The following NFATC1 variants were observed in gnomAD, a reference collection of about 807,000 sequenced individuals.
NFATC1 encodes the protein nuclear factor of activated T cells 1.
A neutral mutation model predicts 76.0 loss-of-function variants in NFATC1; 22 were observed. The ratio of observed to expected loss-of-function variants is 0.29; its 90% CI spans 0.21 to 0.41. NFATC1 has a LOEUF of 0.41. Among genes scored for constraint, NFATC1 ranks in the 10% least tolerant of loss-of-function variants. The pLI is 1.00. For missense variants in NFATC1, 1,357 were observed against 1,337.7 expected (o/e 1.01, Z -0.23); for synonymous variants, 704 against 613.1 (o/e 1.15, Z -2.19).
Position 79,410,530 on chromosome 18 carries a change from C to A in NFATC1, c.255C>A (p.His85Gln), listed in dbSNP as rs563565483. The change falls in exon 2 of 10, where the codon CAC becomes CAA. Residue 85 changes from histidine to glutamine, a missense_variant. Transcript: ENST00000427363. The surrounding 1 kb of genome is among the most constrained non-coding windows in gnomAD (Gnocchi z 6.7). The part of the protein sequence containing the change: ...STPGIIPPAD[H>Q]PSGYGAALDG... ...CGGGCATCATCCCGCCGGCGGATCA[C>A]CCCTCGGGGTACGGAGCAGCTTTGG... The A allele has an allele frequency of 3.1e-6, 5 of 1,611,832 alleles. No individual in the cohort carries two copies. The South Asian group carries it at 4.4e-5, about 14-fold the overall frequency.
At chr18:79,506,318 C>T (rs1296135265) in intron 9 of NFATC1, among the ~76,000 whole-genome samples, 3 of 152,166 alleles carry the variant, frequency 2.0e-5, no homozygotes, top group African/African-American at 7.2e-5. Context: ...GACAGATGCT[C>T]CTGAGCTTCC....
At chr18:79,418,630 C>G (rs529151197) in intron 2 of NFATC1, among the ~76,000 whole-genome samples, 1 of 152,224 alleles carries the variant, frequency 6.6e-6, no homozygotes, top group African/African-American at 2.4e-5. Context: ...TGCCAGCCTC[C>G]GCTGGTGAGG....
chr18:79,474,133 T>C (rs1166832308), intron 8 of NFATC1, among the ~76,000 whole-genome samples: 16 of 137,836 alleles, frequency 1.2e-4, no homozygotes, highest in South Asian at 2.3e-4. Flanking sequence ...TCACGCTCGC[T>C]GTCGACGTTG....
At chr18:79,463,031 G>A (rs1273262057) in intron 7 of NFATC1, among the ~76,000 whole-genome samples, 2 of 152,240 alleles carry the variant, frequency 1.3e-5, no homozygotes, top group African/African-American at 4.8e-5. Flanking sequence ...CCAAGAGGTG[G>A]CTCTGTCAGA....
intron 9 of NFATC1, among the ~76,000 whole-genome samples, chr18:79,514,941 G>A (rs1360063046): frequency 6.6e-6 from 1 of 152,116 alleles, no homozygotes; most frequent in Non-Finnish European, 1.5e-5. Context: ...CTACTTGAGA[G>A]TCTGAGGAGG....
At position 79,457,673 on chromosome 18, in the gene NFATC1, C is replaced by T. The variant is rs548124739; in HGVS notation, c.1904-3638C>T. Among the ~76,000 whole-genome samples the T allele has an allele frequency of 3.3e-5, 5 of 152,308 alleles. No homozygotes were observed. In the South Asian group the frequency reaches 1.0e-3, roughly 32 times the overall value. ...ACCAATTTCAGAACATTTTCTTGTC[C>T]CCAGAAAGAAACCCTTGCCCATGAG... On this transcript the variant is annotated intron_variant, in intron 6 of 9. Transcript: ENST00000427363.
chr18:79,396,050 G>A lies in NFATC1; in HGVS notation c.-175G>A. 9.4e-6 allele frequency: 7 copies of A among 742,604 alleles called. No individual in the cohort carries two copies. Among genetic ancestry groups the A allele is most frequent in the Non-Finnish European group, 1.2e-5 (7 of 574,050 alleles). 46.0% of individuals were successfully genotyped at this position (742,604 alleles called of 1,614,324 possible). A position where few individuals can be genotyped will look rare whatever the true frequency, so the allele number is the denominator to read the frequency against. ...TCGGAGCCACCGCGCAGGTCCTAGG[G>A]CCGCGGCCGGGCCCCGCCACGCGCG... On this transcript the variant is annotated 5_prime_UTR_variant, in exon 1 of 10. Coordinates refer to ENST00000427363, the MANE Select transcript of NFATC1 (RefSeq NM_001278669.2).
Position 79,448,895 on chromosome 18 carries a change from G to A in NFATC1, c.1500G>A (p.Lys500=). Residue 500 remains lysine (K), a synonymous_variant, in exon 4 of 10, where the codon AAG becomes AAA. Coordinates refer to ENST00000427363, the MANE Select transcript of NFATC1 (RefSeq NM_001278669.2). ...ACCAGGTGCACCGCATCACAGGGAA[G>A]ACCGTGTCCACCACCAGCCACGAGG... ...AFYQVHRITG[K]TVSTTSHEAI... 1 of 1,613,744 alleles carries A rather than the reference G, an allele frequency of 6.2e-7. No homozygotes were observed. Among genetic ancestry groups the A allele is most frequent in the East Asian group, 2.2e-5 (1 of 44,888 alleles).
intron 9 of NFATC1, among the ~76,000 whole-genome samples, chr18:79,520,862 G>T (rs1467753736): frequency 1.0e-5 from 1 of 100,140 alleles, no homozygotes; most frequent in East Asian, 3.7e-4. Flanking sequence ...TGTATGTGTG[G>T]GGGGGGCATC....
intron 8 of NFATC1, among the ~76,000 whole-genome samples, chr18:79,473,002 T>C (rs891661099): frequency 6.6e-5 from 10 of 152,206 alleles, no homozygotes; most frequent in African/African-American, 2.4e-4. Context: ...GGAACCAGGG[T>C]GGCCTCCCCT....
In NFATC1 at chr18:79,461,268, C is replaced by T. The variant is rs774367322; in HGVS notation, c.1904-43C>T. 9.9e-6 allele frequency: 16 copies of T among 1,611,354 alleles called. No individual in the cohort carries two copies. In the East Asian group the frequency reaches 2.5e-4, roughly 25 times the overall value. On this transcript the variant is annotated intron_variant, in intron 6 of 9. Transcript: ENST00000427363. ...TGGGGGTGTCTGGGGAGGGGGCTCC[C>T]CACCACACAGAGTCACAGACGTTTC...
chr18:79,456,804 G>C (rs1198437559), intron 6 of NFATC1, among the ~76,000 whole-genome samples: 1 of 152,214 alleles, frequency 6.6e-6, no homozygotes, highest in Admixed American at 6.5e-5. Flanking sequence ...GGCTGCCTCT[G>C]TGGCATCTCC....
chr18:79,501,259 G>A (rs1365274181), intron 9 of NFATC1, among the ~76,000 whole-genome samples: 2 of 152,134 alleles, frequency 1.3e-5, no homozygotes, highest in African/African-American at 2.4e-5. Flanking sequence ...AAGAAAAAAA[G>A]CATTTAACAA....
At position 79,451,827 on chromosome 18, in the gene NFATC1, C is replaced by A; in HGVS notation, c.1903+11C>A. ...TGGAGAAAGCCCCAGGTATGCTCTT[C>A]ACCAGGGGCCATCTGCGGCCTGGGC... On this transcript the variant is annotated intron_variant, in intron 6 of 9. Transcript: ENST00000427363. 6.3e-7 allele frequency: 1 copy of A among 1,595,370 alleles called. No individual in the cohort carries two copies. Among genetic ancestry groups the A allele is most frequent in the Non-Finnish European group, 8.6e-7 (1 of 1,169,228 alleles).
At chr18:79,451,183 A>C in intron 5 of NFATC1, 57 bp downstream of exon 5, 2 of 1,553,720 alleles carry the variant, frequency 1.3e-6, no homozygotes, top group Non-Finnish European at 1.8e-6. Flanking sequence ...CATGCGCTTC[A>C]CTGTCTCACC....
chr18:79,484,497 C>T (rs1206997204), intron 8 of NFATC1, among the ~76,000 whole-genome samples: 2 of 152,070 alleles, frequency 1.3e-5, no homozygotes, highest in Admixed American at 6.6e-5. Context: ...GATGTTTCTA[C>T]TCAGTGTGCA....
intron 2 of NFATC1, 106 bp from the exon 3 acceptor site, chr18:79,433,473 G>A (rs1011707745): frequency 2.7e-5 from 36 of 1,334,608 alleles, no homozygotes; most frequent in African/African-American, 2.2e-4. Context: ...ACGTGCACTC[G>A]CCGATGAAGT....
intron 2 of NFATC1, 95 bp downstream of exon 2, chr18:79,411,596 C>T (rs901204214): frequency 7.5e-5 from 76 of 1,009,876 alleles, no homozygotes; most frequent in Admixed American, 1.5e-4. Context: ...GCGGGGCGGC[C>T]GTGTCTGGGG....
intron 9 of NFATC1, among the ~76,000 whole-genome samples, chr18:79,516,235 T>C (rs2090379842): frequency 6.6e-6 from 1 of 152,144 alleles, no homozygotes. Context: ...TTATGAAAAC[T>C]GTGACTTGTC....
Sources: gnomAD v4.1 joint callset for allele counts (sites outside exome capture counted in the v4.1 genomes callset) on GRCh38, gnomAD v4.1.1 for gene constraint, Gnocchi (gnomAD v3.1) non-coding constraint, MANE v1.5 for transcripts, NCBI Gene and HGNC (gene_info 2026-07-23, HGNC 2026-07-21) for gene names.